Variants in MOGAT2 observed in about 807,000 individuals in gnomAD.
MOGAT2 encodes monoacylglycerol O-acyltransferase 2.
A neutral mutation model predicts 31.5 loss-of-function variants in MOGAT2; 27 were observed. The observed-to-expected ratio is 0.86, with a 90% CI of 0.63 to 1.18. The LOEUF (loss-of-function observed/expected upper bound fraction) is 1.18. Ranked by LOEUF, MOGAT2 falls within the 50% of genes most tolerant of loss-of-function variation. The pLI is 0.00. For synonymous variants in MOGAT2, 163 were observed against 170.0 expected (o/e 0.96, Z 0.32); for missense variants, 436 against 433.2 (o/e 1.01, Z -0.06).
chr11:75,724,921 C>T (rs1209602087), intron 2 of MOGAT2, among the ~76,000 whole-genome samples: 1 of 152,284 alleles, frequency 6.6e-6, no homozygotes, highest in East Asian at 1.9e-4. Context: ...CTGTACTTCT[C>T]TATGGTGACA....
At chr11:75,731,062 A>G in intron 5 of MOGAT2, 70 bp from the exon 6 acceptor site, 1 of 1,433,148 alleles carries the variant, frequency 7.0e-7, no homozygotes. Context: ...GGGATGAACC[A>G]TGGGGGTGGG....
chr11:75,718,123 A>G (rs1349864976), intron 1 of MOGAT2, 144 bp downstream of exon 1: 34 of 861,920 alleles, frequency 3.9e-5, no homozygotes, highest in Non-Finnish European at 5.9e-5. Flanking sequence ...CTGCCCAGAG[A>G]GAACTCCTGG....
chr11:75,725,910 C>G (rs1044969404), intron 2 of MOGAT2, among the ~76,000 whole-genome samples: 6 of 152,206 alleles, frequency 3.9e-5, no homozygotes, highest in African/African-American at 1.4e-4. Flanking sequence ...CCCTTGGACT[C>G]CGATGGCCGG....
At chr11:75,720,701 C>T (rs1284692145) in intron 2 of MOGAT2, among the ~76,000 whole-genome samples, 1 of 152,164 alleles carries the variant, frequency 6.6e-6, no homozygotes, top group Non-Finnish European at 1.5e-5. Flanking sequence ...CCTACCCTGA[C>T]CCTAACTCTG....
chr11:75,731,287 G>T lies in MOGAT2; in HGVS notation c.*1G>T. ...TGACCAGCACTTGGAGTTCTGCTGA[G>T]CCCAAAGGGCAGGGCCAACATTAGG... On this transcript the variant is annotated 3_prime_UTR_variant, in exon 6 of 6. Coordinates refer to ENST00000198801, the MANE Select transcript of MOGAT2 (RefSeq NM_025098.4). 6.2e-7 allele frequency: 1 copy of T among 1,613,794 alleles called. No homozygotes were observed. The highest frequency in any genetic ancestry group is 8.5e-7 in the Non-Finnish European group (1 of 1,179,834).
intron 2 of MOGAT2, among the ~76,000 whole-genome samples, chr11:75,723,038 T>G (rs1336020151): frequency 2.6e-5 from 4 of 152,148 alleles, no homozygotes; most frequent in Admixed American, 1.3e-4. Context: ...CTCGGCTCAC[T>G]GCAACCTCCA....
intron 1 of MOGAT2, among the ~76,000 whole-genome samples, chr11:75,718,665 C>T (rs1944351074): frequency 6.6e-6 from 1 of 152,154 alleles, no homozygotes; most frequent in African/African-American, 2.4e-5. Context: ...GGGCTGGGCT[C>T]ACACTGGAGG....
chr11:75,727,842 A>T, intron 3 of MOGAT2, 128 bp from the exon 4 acceptor site: 2 of 1,089,442 alleles, frequency 1.8e-6, no homozygotes, highest in Non-Finnish European at 2.6e-6. Flanking sequence ...CCTAGCTGGA[A>T]TGGGGTGCAG....
chr11:75,722,833 T>A (rs774583266), intron 2 of MOGAT2, among the ~76,000 whole-genome samples: 3 of 152,250 alleles, frequency 2.0e-5, no homozygotes, highest in Admixed American at 2.0e-4. Context: ...CGTCCGTCCT[T>A]CCTGCTCCTT....
At chr11:75,719,617 T>A (rs150346153) in intron 1 of MOGAT2, 39 of 193,268 alleles carry the variant, frequency 2.0e-4, no homozygotes, top group Non-Finnish European at 3.8e-4. Flanking sequence ...AGATGGAAAC[T>A]AGAACAGTTT....
At chr11:75,727,747 A>G in intron 3 of MOGAT2, 108 bp downstream of exon 3, 1 of 1,225,048 alleles carries the variant, frequency 8.2e-7, no homozygotes. Context: ...GAAGGAGGCT[A>G]GGCCCAAAGA....
At chr11:75,720,684 C>A (rs1944369723) in intron 2 of MOGAT2, among the ~76,000 whole-genome samples, 1 of 152,138 alleles carries the variant, frequency 6.6e-6, no homozygotes, top group Admixed American at 6.5e-5. Flanking sequence ...CTGAATTGTT[C>A]TCAGATCCTA....
intron 3 of MOGAT2, 88 bp from the exon 4 acceptor site, chr11:75,727,882 A>G: frequency 2.2e-6 from 3 of 1,364,246 alleles, no homozygotes; most frequent in Non-Finnish European, 3.0e-6. Flanking sequence ...CTCAGTAGGC[A>G]TTGCTGGTGA....
intron 3 of MOGAT2, 146 bp from the exon 4 acceptor site, chr11:75,727,824 A>G (rs1000889762): frequency 7.8e-6 from 8 of 1,024,424 alleles, no homozygotes; most frequent in Non-Finnish European, 1.1e-5. Context: ...GAGAAGACTC[A>G]GGGAGCTCCT....
chr11:75,720,191 G>T, intron 2 of MOGAT2, 21 bp downstream of exon 2: 1 of 1,599,412 alleles, frequency 6.3e-7, no homozygotes. Flanking sequence ...AGGCTGGTTG[G>T]GGTTGGGGAG....
chr11:75,729,130 G>C, intron 5 of MOGAT2, 141 bp downstream of exon 5: 1 of 770,528 alleles, frequency 1.3e-6, no homozygotes, highest in South Asian at 1.7e-5. Flanking sequence ...ACACACACAA[G>C]CAGATAGAAT....
chr11:75,721,191 C>T (rs1417941988), intron 2 of MOGAT2, among the ~76,000 whole-genome samples: 1 of 152,138 alleles, frequency 6.6e-6, no homozygotes, highest in Non-Finnish European at 1.5e-5. Flanking sequence ...TCTCTCTGAG[C>T]CTCAGTTTCC....
At chr11:75,725,228 T>C (rs919321831) in intron 2 of MOGAT2, among the ~76,000 whole-genome samples, 1 of 152,142 alleles carries the variant, frequency 6.6e-6, no homozygotes, top group African/African-American at 2.4e-5. Context: ...TAAGCAAGTG[T>C]TTCCATGCAT....
rs185436228 is a variant in MOGAT2, at chr11:75,724,654, T to C, written c.271-2781T>C. 4.0e-3 allele frequency among the ~76,000 whole-genome samples: 606 copies of C among 151,246 alleles called. 5 individuals are homozygous for C. The highest frequency in any genetic ancestry group is 0.01 in the Middle Eastern group (3 of 294). On this transcript the variant is annotated intron_variant, in intron 2 of 5. Coordinates refer to ENST00000198801, the MANE Select transcript of MOGAT2 (RefSeq NM_025098.4). ...TCCAGCCTGGGTGACAGAGTGAGAC[T>C]GTCTCAAAAAAAAAAAAATTCAAAA...
Sources: allele counts gnomAD v4.1 joint callset (sites outside exome capture counted in the v4.1 genomes callset), GRCh38; gene constraint gnomAD v4.1.1; transcripts MANE v1.5; gene names NCBI Gene and HGNC (gene_info 2026-07-23, HGNC 2026-07-21).